The following FASN variants were observed in gnomAD, a reference collection of about 807,000 sequenced individuals.
The protein encoded by FASN is 3-hydroxyacyl-[acyl-carrier-protein] dehydratase.
Under a neutral mutation model 250.0 loss-of-function variants are expected in FASN, and 50 were observed. The ratio of observed to expected loss-of-function variants is 0.20; its 90% CI spans 0.16 to 0.25. The LOEUF (loss-of-function observed/expected upper bound fraction) is 0.25. FASN is among the 10% of genes least tolerant of loss of function. The probability of loss-of-function intolerance (pLI) is 1.00; values close to 1 mark genes in which losing one functional copy is unlikely to be tolerated. For missense variants in FASN, 3,031 were observed against 3,498.5 expected, an observed-to-expected ratio of 0.87 and a Z score of 3.37; for synonymous variants, 1,909 against 1,584.0, an observed-to-expected ratio of 1.21 and a Z score of -4.87.
intron 37 of FASN, 56 bp from the exon 38 acceptor site, chr17:82,081,408 T>C: frequency 4.5e-6 from 7 of 1,562,136 alleles, no homozygotes; most frequent in Non-Finnish European, 5.2e-6. Flanking sequence ...ACGGCCTGTA[T>C]GCGGCAGGGC....
intron 1 of FASN, among the ~76,000 whole-genome samples, chr17:82,097,094 T>TG (rs755978606): frequency 3.9e-5 from 6 of 152,284 alleles, no homozygotes; most frequent in Non-Finnish European, 8.8e-5. Context: ...GCCTATGCTC[T>TG]GGGGGAAAGG....
In FASN at chr17:82,083,534, G is replaced by T. The variant is rs1273164437; in HGVS notation, c.5324C>A (p.Ser1775Tyr). The T allele has an allele frequency of 5.0e-6, 8 of 1,612,726 alleles. No individual in the cohort carries two copies. The highest frequency in any genetic ancestry group is 5.9e-6 in the Non-Finnish European group (7 of 1,180,018). ...GGCCTCACCGAGCGGGTGGTTCTGAGAAAGGTCGAATTTGCCAATTTCCAG... is the reference window on the plus strand; with the variant it reads ...GGCCTCACCGAGCGGGTGGTTCTGATAAAGGTCGAATTTGCCAATTTCCAG... Reference protein sequence around the residue: ...RFLEIGKFDLSQNHPLGMAIF... With the variant: ...RFLEIGKFDLYQNHPLGMAIF... The change falls in exon 31 of 43, where the codon TCT (serine) becomes TAT (tyrosine). Residue 1775 changes from serine (S) to tyrosine (Y), a missense_variant. Physicochemically the swap from Ser to Tyr is moderately radical, Grantham distance 144 (BLOSUM62 -2). Transcript: ENST00000306749.
At position 82,083,416 on chromosome 17, in the gene FASN, A is replaced by C; in HGVS notation, c.5351T>G (p.Ile1784Ser). ...LSQNHPLGMA[I>S]FLKNVTFHGV... ...GTGGAATGTCACGTTCTTCAGGAAG[A>C]TAGCCATGCCTGCGGGCAGGGGCCG... Residue 1784 changes from isoleucine to serine, a missense_variant, in exon 32 of 43, where the codon ATC (isoleucine) becomes AGC (serine). By Grantham distance (142) the Ile-to-Ser change is moderately radical. Transcript: ENST00000306749. 1 of 1,612,732 alleles carries C rather than the reference A, an allele frequency of 6.2e-7. No homozygotes were observed. Among genetic ancestry groups the C allele is most frequent in the Non-Finnish European group, 8.5e-7 (1 of 1,180,000 alleles).
chr17:82,090,360 C>T lies in FASN; in HGVS notation c.1870+15G>A. The stretch of plus-strand genomic sequence containing the variant: ...CCTTTCTTGGAGGTGCTGGGGGCCC[C>T]TCCGGGAGACCTACCCACGGCTGCC... On this transcript the variant is annotated intron_variant, in intron 11 of 42. Coordinates refer to ENST00000306749, the MANE Select transcript of FASN (RefSeq NM_004104.5). 6.4e-7 allele frequency: 1 copy of T among 1,569,860 alleles called. No individual in the cohort carries two copies. The highest frequency in any genetic ancestry group is 8.6e-7 in the Non-Finnish European group (1 of 1,158,456).
chr17:82,080,292 G>T lies in FASN; in HGVS notation c.7048-54C>A, dbSNP rs1204539015. Reference sequence around the variant, plus strand: ...ATGGAAGGGGCGGGGCCTCCTAAGCGACGGTCCCCCAAAGCCAGGGCACAG... The same window carrying T: ...ATGGAAGGGGCGGGGCCTCCTAAGCTACGGTCCCCCAAAGCCAGGGCACAG... On this transcript the variant is annotated intron_variant, in intron 40 of 42. Transcript: ENST00000306749. 62 of 1,610,828 alleles carry T rather than the reference G, an allele frequency of 3.8e-5. No individual in the cohort carries two copies. In the Middle Eastern group the frequency reaches 6.6e-4, roughly 17 times the overall value.
rs2034024246 is a variant in FASN at position 82,083,254 on chromosome 17, T to C, written c.5513A>G (p.Asp1838Gly). The change falls in exon 32 of 43, where the codon GAC becomes GGC. Residue 1838 changes from aspartate to glycine, a missense_variant. Physicochemically the swap from Asp to Gly is moderately conservative, Grantham distance 94 (BLOSUM62 -1). Coordinates refer to ENST00000306749, the MANE Select transcript of FASN (RefSeq NM_004104.5). ...CCCTTGGGCCATGTAGCGGAAGGCG[T>C]CCTCCACCTGGGCCCCATGGAACAC... ...CTVFHGAQVEDAFRYMAQGKH... is the reference protein window; with the variant it reads ...CTVFHGAQVEGAFRYMAQGKH... The C allele has an allele frequency of 1.2e-6, 2 of 1,612,160 alleles. No homozygotes were observed. The highest frequency in any genetic ancestry group is 8.5e-7 in the Non-Finnish European group (1 of 1,179,914).
Position 82,089,126 on chromosome 17 carries a change from G to T in FASN, c.2147C>A (p.Ser716Tyr). 1 of 1,567,362 alleles carries T rather than the reference G, an allele frequency of 6.4e-7. No homozygotes were observed. Residue 716 changes from serine to tyrosine, a missense_variant, in exon 14 of 43, where the codon TCT becomes TAT. Physicochemically the swap from Ser to Tyr is moderately radical, Grantham distance 144. Coordinates refer to ENST00000306749, the MANE Select transcript of FASN (RefSeq NM_004104.5). ...GCTGTGCCACTGGGCCTCGGGGATAGAGGTGCTGAGCCAGCGGGCTGAACG... is the reference window on the plus strand; with the variant it reads ...GCTGTGCCACTGGGCCTCGGGGATATAGGTGCTGAGCCAGCGGGCTGAACG... ...KPRSARWLST[S>Y]IPEAQWHSSL...
intron 10 of FASN, 72 bp downstream of exon 10, chr17:82,090,810 A>G: frequency 6.6e-7 from 1 of 1,514,214 alleles, no homozygotes; most frequent in African/African-American, 1.4e-5. Flanking sequence ...TCAACACTGC[A>G]GCTCCTGGGC....
Position 82,084,090 on chromosome 17 carries a change from C to T in FASN, c.4983G>A (p.Val1661=), listed in dbSNP as rs769642109. ...TCTCCCCGGGGCGCACCCGCCCACG[C>T]ACCACCAGCGCGTAGTAGGCCGTGC... ...VYSTAYYALV[V]RGRVRPGETL... The change falls in exon 29 of 43, where the codon GTG becomes GTA. Residue 1661 remains valine, a synonymous_variant. Coordinates refer to ENST00000306749, the MANE Select transcript of FASN (RefSeq NM_004104.5). 1.8e-4 allele frequency: 275 copies of T among 1,563,752 alleles called. 1 individual carries two copies. The highest frequency in any genetic ancestry group is 2.4e-4 in the Non-Finnish European group (273 of 1,155,798).
chr17:82,079,588 C>T lies in FASN; in HGVS notation c.7167G>A (p.Pro2389=), dbSNP rs143485066. Residue 2389 remains proline, a synonymous_variant, in exon 42 of 43, where the codon CCG becomes CCA. Coordinates refer to ENST00000306749, the MANE Select transcript of FASN (RefSeq NM_004104.5). ...EHNRVLEALL[P]LKGLEERVAA... is the part of the protein sequence containing the mutation. ...CCACACGCTCCTCTAGGCCCTTCAG[C>T]GGCAGCAGCGCCTCCAGCACCTGTG... The T allele has an allele frequency of 1.6e-4, 254 of 1,601,382 alleles. No homozygotes were observed. In the African/African-American group the frequency reaches 2.5e-3, roughly 15 times the overall value.
rs924118086 is a variant in FASN at position 82,085,757 on chromosome 17, C to T, written c.3847G>A (p.Ala1283Thr). 1.9e-6 allele frequency: 3 copies of T among 1,565,074 alleles called. No homozygotes were observed. The highest frequency in any genetic ancestry group is 4.7e-5 in the East Asian group (2 of 42,154). Reference protein sequence around the residue: ...TDRHPQALEAAQAELQQHDVA... With the variant: ...TDRHPQALEATQAELQQHDVA... ...TCGTGCTGCTGCAGCTCGGCCTGGGCAGCCTCCAGGGCCTGGGGGTGGCGG... is the reference window on the plus strand; with the variant it reads ...TCGTGCTGCTGCAGCTCGGCCTGGGTAGCCTCCAGGGCCTGGGGGTGGCGG... The change falls in exon 23 of 43, where the codon GCC becomes ACC. Residue 1283 changes from alanine (A) to threonine (T), a missense_variant. Physicochemically the swap from Ala to Thr is moderately conservative, Grantham distance 58 (BLOSUM62 0). Coordinates refer to ENST00000306749, the MANE Select transcript of FASN (RefSeq NM_004104.5).
chr17:82,085,677 G>C lies in FASN; in HGVS notation c.3927C>G (p.Ser1309Arg). The change falls in exon 23 of 43, where the codon AGC becomes AGG. Residue 1309 changes from serine to arginine, a missense_variant. Ser to Arg is a moderately radical substitution (Grantham distance 110). Coordinates refer to ENST00000306749, the MANE Select transcript of FASN (RefSeq NM_004104.5). Reference sequence around the variant, plus strand: ...CACAGTTGCACACCAGGAGGTCGGCGCTGCCCAGGGCGCTGGGGGCAGGGT... The same window carrying C: ...CACAGTTGCACACCAGGAGGTCGGCCCTGCCCAGGGCGCTGGGGGCAGGGT... ...PADPAPSALG[S>R]ADLLVCNCAV... 6.3e-7 allele frequency: 1 copy of C among 1,576,522 alleles called. No individual in the cohort carries two copies. The highest frequency in any genetic ancestry group is 8.6e-7 in the Non-Finnish European group (1 of 1,161,946).
intron 11 of FASN, 143 bp downstream of exon 11, chr17:82,090,232 G>A (rs746268902): frequency 3.8e-6 from 3 of 785,512 alleles, no homozygotes; most frequent in Admixed American, 2.7e-5. Context: ...ACTCGCGCAC[G>A]GCTGTGTCCG....
At chr17:82,089,893 G>A (rs2034173265) in intron 11 of FASN, among the ~76,000 whole-genome samples, 167 bp from the exon 12 acceptor site, 1 of 152,180 alleles carries the variant, frequency 6.6e-6, no homozygotes, top group Non-Finnish European at 1.5e-5. Flanking sequence ...TGACCCGTGG[G>A]TGGAGGTGTC....
At position 82,087,996 on chromosome 17, in the gene FASN, G is replaced by A. The variant is rs754621431; in HGVS notation, c.2824C>T (p.Arg942Cys). The A allele has an allele frequency of 1.3e-5, 21 of 1,612,634 alleles. No homozygotes were observed. The highest frequency in any genetic ancestry group is 1.7e-5 in the Admixed American group (1 of 60,010). ...CCGTTCTCTGACACCTCGAAGGCAC[G>A]GGAGGCCTCCAGGAGCCGTACCTCC... The part of the protein sequence containing the change: ...SLEVRLLEAS[R>C]AFEVSENGNL... The change falls in exon 18 of 43, where the codon CGT becomes TGT. Residue 942 changes from arginine (R) to cysteine (C), a missense_variant. Physicochemically the swap from Arg to Cys is radical, Grantham distance 180. Coordinates refer to ENST00000306749, the MANE Select transcript of FASN (RefSeq NM_004104.5).
chr17:82,090,547 C>T lies in FASN; in HGVS notation c.1698G>A (p.Leu566=), dbSNP rs1184110177. 1 of 1,611,670 alleles carries T rather than the reference C, an allele frequency of 6.2e-7. No individual in the cohort carries two copies. Among genetic ancestry groups the T allele is most frequent in the Admixed American group, 1.7e-5 (1 of 59,902 alleles). The part of the protein sequence containing the change: ...LTAIQIGLID[L]LSCMGLRPDG... ...CTGGCCTCAGCCCCATGCAGCTCAG[C>T]AGGTCTATGAGGCCTATCTGGGGTG... Residue 566 remains leucine, a synonymous_variant, in exon 11 of 43, where the codon CTG becomes CTA. Transcript: ENST00000306749.
intron 37 of FASN, 42 bp downstream of exon 37, chr17:82,081,559 G>C: frequency 6.2e-7 from 1 of 1,608,718 alleles, no homozygotes; most frequent in East Asian, 2.2e-5. Flanking sequence ...CCTGATGCCA[G>C]CAGGGGAAAC....
Position 82,081,165 on chromosome 17 carries a change from G to T in FASN, c.6594C>A (p.Ser2198Arg). ...TCCCGCCTGGCCACCCACACGCACCGCTGGCCTCATCCGCCTTTGAGGACA... is the reference window on the plus strand; with the variant it reads ...TCCCGCCTGGCCACCCACACGCACCTCTGGCCTCATCCGCCTTTGAGGACA... ...QELSSKADEA[S>R]ELACPTPKED... Residue 2198 changes from serine to arginine, a missense_variant and splice_region_variant, in exon 38 of 43, where the codon AGC becomes AGA. Transcript: ENST00000306749. 6.3e-7 allele frequency: 1 copy of T among 1,579,920 alleles called. No individual in the cohort carries two copies. The highest frequency in any genetic ancestry group is 1.8e-5 in the Admixed American group (1 of 55,072).
At chr17:82,096,629 G>A (rs1049705068) in intron 1 of FASN, among the ~76,000 whole-genome samples, 177 bp from the exon 2 acceptor site, 2 of 152,188 alleles carry the variant, frequency 1.3e-5, no homozygotes, top group African/African-American at 4.8e-5. Flanking sequence ...CCCTGACCCC[G>A]CTCTCGCTGG....
Sources: gnomAD v4.1 joint callset for allele counts (sites outside exome capture counted in the v4.1 genomes callset) on GRCh38, gnomAD v4.1.1 for gene constraint, MANE v1.5 for transcripts, NCBI Gene and HGNC (gene_info 2026-07-23, HGNC 2026-07-21) for gene names.